The following NPR2 variants were observed in gnomAD, a reference collection of about 807,000 sequenced individuals.
NPR2 encodes the protein atrial natriuretic peptide receptor 2.
Under a neutral mutation model 120.7 loss-of-function variants are expected in NPR2, and 49 were observed. That is an observed-to-expected ratio of 0.41 (90% CI 0.32 to 0.52). The LOEUF (loss-of-function observed/expected upper bound fraction) is 0.52, where lower values mean the gene tolerates loss of function less well. Ranked by LOEUF, NPR2 falls within the 20% of genes least tolerant of loss-of-function variation. The pLI, the probability that NPR2 is intolerant of heterozygous loss-of-function variation, is 0.36. For synonymous variants in NPR2, 484 were observed against 519.8 expected (o/e 0.93, Z 0.94); for missense variants, 931 against 1,362.9 (o/e 0.68, Z 4.99).
intron 7 of NPR2, 123 bp from the exon 8 acceptor site, chr9:35,801,520 C>T: frequency 9.8e-7 from 1 of 1,017,644 alleles, no homozygotes; most frequent in Non-Finnish European, 1.6e-6. Flanking sequence ...ATCTTCCAGC[C>T]CTGTCTCTCA....
rs1279178017 is a variant in NPR2, at chr9:35,793,980, T to A, written c.750T>A (p.Tyr250Ter). The A allele has an allele frequency of 6.2e-6, 10 of 1,614,096 alleles. No homozygotes were observed. The highest frequency in any genetic ancestry group is 7.6e-6 in the Non-Finnish European group (9 of 1,180,038). The change falls in exon 2 of 22, where the codon TAT becomes TAA. Residue 250 changes from tyrosine to a stop codon, truncating the protein, a stop_gained. Transcript: ENST00000342694. LOFTEE classifies it high-confidence loss of function. Reference sequence around the variant, plus strand: ...GGGAGAATCTGACCAATGGGGATTATGTCTTCTTTTACCTGGATGTCTTTG... The same window carrying A: ...GGGAGAATCTGACCAATGGGGATTAAGTCTTCTTTTACCTGGATGTCTTTG... ...AQRENLTNGD[Y>*]VFFYLDVFGE...
chr9:35,801,140 C>T lies in NPR2; in HGVS notation c.1422C>T (p.Ser474=). ...CCTTCATCATGTTTGGTGTTTCCAGCTTCCTAATTTTCCGGTGAGTTCTGG... is the reference window on the plus strand; with the variant it reads ...CCTTCATCATGTTTGGTGTTTCCAGTTTCCTAATTTTCCGGTGAGTTCTGG... ...GITFIMFGVS[S]FLIFRKLMLE... is the part of the protein sequence containing the mutation. The change falls in exon 7 of 22, where the codon AGC becomes AGT. Residue 474 remains serine, a synonymous_variant. Transcript: ENST00000342694. The T allele has an allele frequency of 3.1e-6, 5 of 1,613,708 alleles. No homozygotes were observed. The highest frequency in any genetic ancestry group is 4.2e-6 in the Non-Finnish European group (5 of 1,179,594).
In NPR2 at chr9:35,802,415, A is replaced by C; in HGVS notation, c.1711-88A>C. The C allele has an allele frequency of 1.1e-6, 1 of 951,748 alleles. No individual in the cohort carries two copies. The highest frequency in any genetic ancestry group is 1.7e-6 in the Non-Finnish European group (1 of 577,378). The allele number at this position is 951,748 out of a possible 1,614,324, so 59.0% of individuals were successfully genotyped here. On this transcript the variant is annotated intron_variant, in intron 10 of 21. Coordinates refer to ENST00000342694, the MANE Select transcript of NPR2 (RefSeq NM_003995.4). The surrounding 1 kb of genome is among the most constrained non-coding windows in gnomAD (Gnocchi z 4.2). The stretch of plus-strand genomic sequence containing the variant: ...TTAAAATCGTAGATACAACTAAGAG[A>C]AAGGTCCTCTTATGTAGTGGTAAGT...
rs1828101907 is a variant in NPR2 at position 35,800,305 on chromosome 9, G to A, written c.1124-84G>A. ...CACACCTCAAGATCGGGGAAGGGTA[G>A]ACTCTGAGGGAGCCGTAGGCATGAG... is the stretch of plus-strand genomic sequence containing the variant. On this transcript the variant is annotated intron_variant, in intron 4 of 21. Coordinates refer to ENST00000342694, the MANE Select transcript of NPR2 (RefSeq NM_003995.4). The surrounding 1 kb of genome is among the most constrained non-coding windows in gnomAD (Gnocchi z 4.7). The A allele has an allele frequency of 7.0e-7, 1 of 1,430,798 alleles. No individual in the cohort carries two copies. The highest frequency in any genetic ancestry group is 9.9e-7 in the Non-Finnish European group (1 of 1,012,884). The allele number at this position is 1,430,798 out of a possible 1,614,324, so 88.6% of individuals were successfully genotyped here. A position where few individuals can be genotyped will look rare whatever the true frequency, so the allele number is the denominator to read the frequency against.
chr9:35,796,656 G>A (rs1177318083), intron 2 of NPR2, among the ~76,000 whole-genome samples: 1 of 152,198 alleles, frequency 6.6e-6, no homozygotes, highest in Non-Finnish European at 1.5e-5. Flanking sequence ...TTCAGACAGA[G>A]AAATAAAGAG....
chr9:35,795,360 C>G (rs529795963), intron 2 of NPR2, among the ~76,000 whole-genome samples: 38 of 152,336 alleles, frequency 2.5e-4, no homozygotes, highest in Non-Finnish European at 5.0e-4. Context: ...TTTTTACTAA[C>G]CGTGCATATA....
In NPR2 at chr9:35,801,914, C is replaced by T. The variant is rs1828180852; in HGVS notation, c.1558-12C>T. On this transcript the variant is annotated splice_polypyrimidine_tract_variant and intron_variant, in intron 8 of 21. Transcript: ENST00000342694. The stretch of plus-strand genomic sequence containing the variant: ...TTTCATCCTTCCGCCTCCATGTTGC[C>T]CTTGGCCCCAGCGGGGATCCAGTTA... The T allele has an allele frequency of 3.1e-6, 5 of 1,613,842 alleles. No individual in the cohort carries two copies. Among genetic ancestry groups the T allele is most frequent in the African/African-American group, 2.7e-5 (2 of 74,910 alleles).
rs564164851 is a variant in NPR2 at position 35,800,902 on chromosome 9, A to G, written c.1351+61A>G. On this transcript the variant is annotated intron_variant, in intron 6 of 21. Transcript: ENST00000342694. This position sits in a 1 kb window ranked among gnomAD's most constrained non-coding sequence, Gnocchi z 4.7. ...CCTTTGCTTTCCATTCATGGCCTCC[A>G]CCCTCACTGACCCTCCACTCTTAAC... The G allele has an allele frequency of 1.2e-4, 190 of 1,603,124 alleles. 1 individual carries two copies. The highest frequency in any genetic ancestry group is 1.0e-3 in the South Asian group (94 of 90,818).
rs911696404 is a variant in NPR2 at position 35,801,858 on chromosome 9, C to A, written c.1558-68C>A. 3.8e-6 allele frequency: 6 copies of A among 1,599,928 alleles called. No individual in the cohort carries two copies. The African/African-American group carries it at 5.4e-5, about 14-fold the overall frequency. The stretch of plus-strand genomic sequence containing the variant: ...CCAGCACATTGGCTTGTAATGATAG[C>A]CCCTGCACTACCACCATCATCTAAT... On this transcript the variant is annotated intron_variant, in intron 8 of 21. Transcript: ENST00000342694.
chr9:35,793,866 A>C, intron 1 of NPR2, 32 bp from the exon 2 acceptor site: 1 of 1,609,800 alleles, frequency 6.2e-7, no homozygotes, highest in Non-Finnish European at 8.5e-7. Flanking sequence ...ATACCTTCTC[A>C]GGGTGCTCCT....
In NPR2 at chr9:35,805,638, C is replaced by T. The variant is rs1242972554; in HGVS notation, c.2015C>T (p.Ala672Val). The change falls in exon 13 of 22, where the codon GCT becomes GTT. Residue 672 changes from alanine (A) to valine (V), a missense_variant. Physicochemically the swap from Ala to Val is moderately conservative, Grantham distance 64 (BLOSUM62 0). Coordinates refer to ENST00000342694, the MANE Select transcript of NPR2 (RefSeq NM_003995.4). This position sits in a 1 kb window ranked among gnomAD's most constrained non-coding sequence, Gnocchi z 4.9. ...DYGLASFRST[A>V]EPDDSHALYA... is the part of the protein sequence containing the mutation. The stretch of plus-strand genomic sequence containing the variant: ...GGCCTGGCCAGCTTCCGATCAACTG[C>T]TGAACCTGATGACAGCCATGCCCTC... 3.7e-6 allele frequency: 6 copies of T among 1,614,060 alleles called. No individual in the cohort carries two copies. Among genetic ancestry groups the T allele is most frequent in the Non-Finnish European group, 5.1e-6 (6 of 1,180,060 alleles).
Position 35,809,002 on chromosome 9 carries a change from T to C in NPR2, c.2986+149T>C. On this transcript the variant is annotated intron_variant, in intron 20 of 21. Transcript: ENST00000342694. The surrounding 1 kb of genome is among the most constrained non-coding windows in gnomAD (Gnocchi z 4.1). ...TATTTTGGTTCTAATAGATATGCAT[T>C]GGGAGGTTGGGCATATTTTGGTCCT... The C allele has an allele frequency of 1.1e-6, 1 of 939,082 alleles. No homozygotes were observed. Among genetic ancestry groups the C allele is most frequent in the Admixed American group, 1.7e-5 (1 of 58,310 alleles). 58.2% of individuals were successfully genotyped at this position (939,082 alleles called of 1,614,324 possible).
At position 35,802,534 on chromosome 9, in the gene NPR2, G is replaced by A. The variant is rs200645852; in HGVS notation, c.1742G>A (p.Arg581His). Residue 581 changes from arginine (R) to histidine (H), a missense_variant, in exon 11 of 22, where the codon CGC becomes CAC. Around this residue, in one of 3 missense-constraint regions of NPR2, gnomAD observed 681 missense variants for 974.3 expected, o/e 0.70. Transcript: ENST00000342694. This position sits in a 1 kb window ranked among gnomAD's most constrained non-coding sequence, Gnocchi z 4.2. ...MRDVQFNHLT[R>H]FIGACIDPPN... ...GATGTTCAGTTCAACCATCTCACTC[G>A]CTTCATTGGCGCCTGCATAGACCCT... 5.0e-6 allele frequency: 8 copies of A among 1,607,392 alleles called. No individual in the cohort carries two copies. The highest frequency in any genetic ancestry group is 1.3e-5 in the African/African-American group (1 of 74,862).
At chr9:35,801,025 C>A in intron 6 of NPR2, 45 bp from the exon 7 acceptor site, 1 of 1,573,782 alleles carries the variant, frequency 6.4e-7, no homozygotes, top group Non-Finnish European at 8.7e-7. Flanking sequence ...TCCATTCTGC[C>A]AAGTCCGCAC....
chr9:35,805,978 C>T lies in NPR2; in HGVS notation c.2196C>T (p.Ser732=). Residue 732 remains serine (S), a synonymous_variant, in exon 14 of 22, where the codon AGC becomes AGT. Transcript: ENST00000342694. The surrounding 1 kb of genome is among the most constrained non-coding windows in gnomAD (Gnocchi z 4.9). ...GPFYLEGLDL[S]PKEIVQKVRN... ...TCTACTTGGAGGGCCTGGACCTCAG[C>T]CCCAAAGGTAAGAGTCAATCCACTA... 1.9e-6 allele frequency: 3 copies of T among 1,614,184 alleles called. No homozygotes were observed. The highest frequency in any genetic ancestry group is 2.2e-5 in the South Asian group (2 of 91,084).
chr9:35,809,720 G>A lies in NPR2; in HGVS notation c.*275G>A. Reference sequence around the variant, plus strand: ...CAAATATAAAACAATAATAAAAAAAGTTCTGATGTCATAGTGTGGGATAGG... The same window carrying A: ...CAAATATAAAACAATAATAAAAAAAATTCTGATGTCATAGTGTGGGATAGG... On this transcript the variant is annotated 3_prime_UTR_variant, in exon 22 of 22. Coordinates refer to ENST00000342694, the MANE Select transcript of NPR2 (RefSeq NM_003995.4). This position sits in a 1 kb window ranked among gnomAD's most constrained non-coding sequence, Gnocchi z 4.1. 3.1e-6 allele frequency: 4 copies of A among 1,284,426 alleles called. No homozygotes were observed. The highest frequency in any genetic ancestry group is 4.4e-6 in the Non-Finnish European group (4 of 904,560). 79.6% of individuals were successfully genotyped at this position (1,284,426 alleles called of 1,614,324 possible).
At chr9:35,798,070 T>C (rs13293624) in intron 2 of NPR2, among the ~76,000 whole-genome samples, 21,489 of 152,210 alleles carry the variant, frequency 0.14, 1,994 homozygotes, top group East Asian at 0.3. Flanking sequence ...TTGGGGTCCT[T>C]AATAATTTTT....
chr9:35,808,469 A>G lies in NPR2; in HGVS notation c.2713-40A>G, dbSNP rs755939247. 3 of 1,601,844 alleles carry G rather than the reference A, an allele frequency of 1.9e-6. No homozygotes were observed. Among genetic ancestry groups the G allele is most frequent in the Non-Finnish European group, 1.7e-6 (2 of 1,169,224 alleles). ...CCTCTACTTTTTCCCATCCCCATGG[A>G]TATAAATAGAGGTGACCTTTTAATC... On this transcript the variant is annotated intron_variant, in intron 18 of 21. Transcript: ENST00000342694. The surrounding 1 kb of genome is among the most constrained non-coding windows in gnomAD (Gnocchi z 4.0).
In NPR2 at chr9:35,806,010, G is replaced by A; in HGVS notation, c.2203+25G>A. 1 of 1,614,172 alleles carries A rather than the reference G, an allele frequency of 6.2e-7. No homozygotes were observed. Among genetic ancestry groups the A allele is most frequent in the Non-Finnish European group, 8.5e-7 (1 of 1,180,028 alleles). ...GGTAAGAGTCAATCCACTACCCACA[G>A]CCTCTTCTTCCTGGGGGAACTCTGT... On this transcript the variant is annotated intron_variant, in intron 14 of 21. Coordinates refer to ENST00000342694, the MANE Select transcript of NPR2 (RefSeq NM_003995.4). This position sits in a 1 kb window ranked among gnomAD's most constrained non-coding sequence, Gnocchi z 4.6.
Sources: gnomAD v4.1 joint callset for allele counts (sites outside exome capture counted in the v4.1 genomes callset) on GRCh38, gnomAD v4.1.1 for gene constraint, gnomAD v4.1.1 regional missense constraint, Gnocchi (gnomAD v3.1) non-coding constraint, MANE v1.5 for transcripts, NCBI Gene and HGNC (gene_info 2026-07-23, HGNC 2026-07-21) for gene names.